Variants in CYSLTR1 observed in about 807,000 individuals in gnomAD.
CYSLTR1 encodes G-protein coupled receptor HG55.
Under a neutral mutation model 2.1 loss-of-function variants are expected in CYSLTR1, and 1 was observed. The observed-to-expected ratio is 0.48, with a 90% confidence interval of 0.17 to 2.28. The LOEUF is 2.28. Among genes scored for constraint, CYSLTR1 ranks in the 30% most tolerant of loss-of-function variants. The pLI, the probability that CYSLTR1 is intolerant of heterozygous loss-of-function variation, is 0.26. For synonymous variants in CYSLTR1, 110 were observed against 89.6 expected (o/e 1.23, Z -1.28); for missense variants, 299 against 250.1 (o/e 1.20, Z -1.32).
At position 78,273,014 on chromosome X, in the gene CYSLTR1, T is replaced by A. The variant is rs201447425; in HGVS notation, c.733A>T (p.Ser245Cys). 38 of 1,209,915 alleles carry A rather than the reference T, an allele frequency of 3.1e-5. No individual in the cohort carries two copies. Among genetic ancestry groups the A allele is most frequent in the Non-Finnish European group, 4.0e-5 (36 of 895,229 alleles). ...CGTTGAATATGATATGGCATGAAAC[T>A]GACTAAAAAGGCAGCGGTCACGACC... ...IMVVTAAFLVSFMPYHIQRTI... is the reference protein window; with the variant it reads ...IMVVTAAFLVCFMPYHIQRTI... The change falls in exon 3 of 3, where the codon AGT becomes TGT. Residue 245 changes from serine (S) to cysteine (C), a missense_variant. Transcript: ENST00000373304.
In CYSLTR1 at chrX:78,273,592, T is replaced by C; in HGVS notation, c.155A>G (p.Tyr52Cys). The change falls in exon 3 of 3, where the codon TAT becomes TGT. Residue 52 changes from tyrosine (Y) to cysteine (C), a missense_variant. Transcript: ENST00000373304. ...TACTTGGAAGGCTGACTTCTTGTGATAGGTTTTTATGAGGACATAGAGCAC... is the reference window on the plus strand; with the variant it reads ...TACTTGGAAGGCTGACTTCTTGTGACAGGTTTTTATGAGGACATAGAGCAC... ...GFVLYVLIKT[Y>C]HKKSAFQVYM... is the part of the protein sequence containing the mutation. 2 of 1,211,580 alleles carry C rather than the reference T, an allele frequency of 1.7e-6. No homozygotes were observed. Among genetic ancestry groups the C allele is most frequent in the Non-Finnish European group, 2.2e-6 (2 of 895,502 alleles).
chrX:78,317,466 A>G (rs1016558102), intron 1 of CYSLTR1, among the ~76,000 whole-genome samples: 2 of 112,638 alleles, frequency 1.8e-5, no homozygotes, highest in Admixed American at 9.4e-5. Context: ...TGATCCAGCA[A>G]TACTACTATT....
chrX:78,293,042 G>A (rs1044621425), intron 1 of CYSLTR1, among the ~76,000 whole-genome samples: 1 of 110,932 alleles, frequency 9.0e-6, no homozygotes. Flanking sequence ...GGTTATTTTG[G>A]CCATTACTTG....
intron 1 of CYSLTR1, among the ~76,000 whole-genome samples, chrX:78,289,056 T>C (rs1345422857): frequency 5.4e-5 from 6 of 110,731 alleles, no homozygotes; most frequent in African/African-American, 2.0e-4. Flanking sequence ...GTTGGTTCGC[T>C]GCACCCATCA....
intron 1 of CYSLTR1, among the ~76,000 whole-genome samples, chrX:78,298,067 T>C (rs1232002416): frequency 1.8e-5 from 2 of 111,298 alleles, no homozygotes; most frequent in Non-Finnish European, 3.8e-5. Context: ...TTTTGGTATG[T>C]TGTGTTTCCA....
rs1477329122 is a variant in CYSLTR1 at position 78,278,239 on chromosome X, G to A, written c.-27-4466C>T. ...AGACAAAAATAAGGAAAAACATAAA[G>A]AAAGAACAAAACCTCCAAGAAATAT... On this transcript the variant is annotated intron_variant, in intron 2 of 2. Transcript: ENST00000373304. Among the ~76,000 whole-genome samples the A allele has an allele frequency of 7.2e-5, 8 of 111,469 alleles. No homozygotes were observed. The Admixed American group carries it at 7.7e-4, about 11-fold the overall frequency.
chrX:78,326,945 G>A (rs1291013066), intron 1 of CYSLTR1, among the ~76,000 whole-genome samples: 1 of 111,755 alleles, frequency 8.9e-6, no homozygotes, highest in African/African-American at 3.3e-5. Context: ...CCATATTGAA[G>A]GAAAATGTCA....
At chrX:78,320,741 G>T (rs1181158535) in intron 1 of CYSLTR1, 1 of 111,708 alleles carries the variant, frequency 9.0e-6, no homozygotes, top group Admixed American at 9.5e-5. Flanking sequence ...TCCTACCCAT[G>T]AGCATGGAAT....
chrX:78,275,701 G>A lies in CYSLTR1; in HGVS notation c.-27-1928C>T, dbSNP rs532975255. Among the ~76,000 whole-genome samples the A allele has an allele frequency of 4.6e-4, 51 of 111,339 alleles. No individual in the cohort carries two copies. In the Middle Eastern group the frequency reaches 0.014, roughly 30 times the overall value. On this transcript the variant is annotated intron_variant, in intron 2 of 2. Coordinates refer to ENST00000373304, the MANE Select transcript of CYSLTR1 (RefSeq NM_006639.4). ...CATATGTAACAAACTTGCACGTTGT[G>A]CACATGTACCCTAGAACTTAAAGTA...
At chrX:78,279,881 T>C (rs777559556) in intron 2 of CYSLTR1, among the ~76,000 whole-genome samples, 1 of 111,503 alleles carries the variant, frequency 9.0e-6, no homozygotes, top group Non-Finnish European at 1.9e-5. Context: ...CACTTGTAAA[T>C]GGGAGCTAAA....
chrX:78,322,154 TC>T (rs1923691803), intron 1 of CYSLTR1, among the ~76,000 whole-genome samples: 1 of 111,143 alleles, frequency 9.0e-6, no homozygotes, highest in Admixed American at 9.5e-5. Flanking sequence ...TTTGACCAAC[TC>T]CCCAGTGCCC....
In CYSLTR1 at chrX:78,271,680, AAAGT is replaced by A. The variant is rs1440651254; in HGVS notation, c.*1049_*1052del. On this transcript the variant is annotated 3_prime_UTR_variant, in exon 3 of 3. Transcript: ENST00000373304. ...GATATTCCTGTCAACATACCAATAA[AAAGT>A]AATAAAGCAATAATAAAACTTATCG... The A allele has an allele frequency of 8.9e-6, 1 of 111,860 alleles. No individual in the cohort carries two copies. Among genetic ancestry groups the A allele is most frequent in the African/African-American group, 3.2e-5 (1 of 30,817 alleles). The allele number at this position is 111,860 out of a possible 1,213,427, so 9.2% of individuals were successfully genotyped here.
chrX:78,291,856 T>A (rs1228804208), intron 1 of CYSLTR1, among the ~76,000 whole-genome samples: 3 of 110,532 alleles, frequency 2.7e-5, no homozygotes, highest in African/African-American at 9.8e-5. Flanking sequence ...TTCTCTCTTT[T>A]CTTCTTTATT....
At chrX:78,296,706 T>C (rs1922589562) in intron 1 of CYSLTR1, among the ~76,000 whole-genome samples, 1 of 111,670 alleles carries the variant, frequency 9.0e-6, no homozygotes, top group African/African-American at 3.2e-5. Flanking sequence ...ACTGTTGGCT[T>C]ATAGAAATGC....
intron 2 of CYSLTR1, among the ~76,000 whole-genome samples, chrX:78,278,801 T>C (rs1299264071): frequency 1.8e-5 from 2 of 112,000 alleles, no homozygotes; most frequent in Admixed American, 1.9e-4. Flanking sequence ...GAAATAAATC[T>C]GCACACCTAC....
intron 1 of CYSLTR1, among the ~76,000 whole-genome samples, chrX:78,288,805 T>C (rs1194682826): frequency 9.0e-6 from 1 of 111,424 alleles, no homozygotes; most frequent in Non-Finnish European, 1.9e-5. Flanking sequence ...TGGGTCTTAT[T>C]CATTCTCTCT....
chrX:78,294,142 A>G (rs1032286674), intron 1 of CYSLTR1, among the ~76,000 whole-genome samples: 2 of 112,133 alleles, frequency 1.8e-5, no homozygotes, highest in Admixed American at 1.9e-4. Context: ...GTCTTTGATG[A>G]TGATGACGTA....
chrX:78,298,680 A>G (rs1922682580), intron 1 of CYSLTR1, among the ~76,000 whole-genome samples: 1 of 111,369 alleles, frequency 9.0e-6, no homozygotes, highest in Admixed American at 9.5e-5. Context: ...GTCTGTTGTA[A>G]GTATAGTGAC....
chrX:78,284,732 G>A (rs1921982148), intron 1 of CYSLTR1, among the ~76,000 whole-genome samples: 1 of 99,788 alleles, frequency 1.0e-5, no homozygotes, highest in Admixed American at 1.1e-4. Flanking sequence ...AGTAGAAACA[G>A]GCTGGAACTT....
Sources: gnomAD v4.1 joint callset for allele counts (sites outside exome capture counted in the v4.1 genomes callset) on GRCh38, gnomAD v4.1.1 for gene constraint, MANE v1.5 for transcripts, NCBI Gene and HGNC (gene_info 2026-07-23, HGNC 2026-07-21) for gene names.